Variants in MALRD1 observed in about 807,000 individuals in gnomAD.
MALRD1 encodes the protein MAM and LDL receptor class A domain containing 1.
In MALRD1, 247 loss-of-function variants were observed where a neutral mutation model predicts 242.1. The observed-to-expected ratio is 1.02, with a 90% confidence interval of 0.92 to 1.13. The LOEUF is 1.13. Among genes scored for constraint, MALRD1 ranks in the 50% most tolerant of loss-of-function variants. The probability of loss-of-function intolerance (pLI) is 0.00; values close to 1 mark genes in which losing one functional copy is unlikely to be tolerated. For synonymous variants in MALRD1, 995 were observed against 866.6 expected (o/e 1.15, Z -2.60); for missense variants, 2,989 against 2,533.1 (o/e 1.18, Z -3.86).
intron 26 of MALRD1, among the ~76,000 whole-genome samples, chr10:19,363,899 G>C (rs1845002826): frequency 6.6e-6 from 1 of 152,046 alleles, no homozygotes; most frequent in Non-Finnish European, 1.5e-5. Context: ...CTGATCATCA[G>C]GTGATTCTAA....
At chr10:19,620,058 A>G (rs1839334848) in intron 36 of MALRD1, among the ~76,000 whole-genome samples, 14 of 151,838 alleles carry the variant, frequency 9.2e-5, no homozygotes, top group Admixed American at 9.2e-4. Context: ...TTTGTGGCAG[A>G]AAAAGATTAA....
chr10:19,078,255 C>T (rs111811070), intron 2 of MALRD1, among the ~76,000 whole-genome samples: 73 of 151,890 alleles, frequency 4.8e-4, no homozygotes, highest in African/African-American at 1.7e-3. Flanking sequence ...CACCCATTCA[C>T]TTTTATTATA....
At chr10:19,062,026 G>A (rs974290264) in intron 1 of MALRD1, among the ~76,000 whole-genome samples, 1 of 151,494 alleles carries the variant, frequency 6.6e-6, no homozygotes, top group African/African-American at 2.4e-5. Flanking sequence ...TCATACATCT[G>A]ATAAAAGATT....
chr10:19,143,746 C>A (rs1374129722), intron 10 of MALRD1, among the ~76,000 whole-genome samples: 1 of 152,176 alleles, frequency 6.6e-6, no homozygotes, highest in South Asian at 2.1e-4. Context: ...AAGCACATTT[C>A]AGAGGCCAAA....
chr10:19,352,587 C>A (rs1275444083), intron 26 of MALRD1, among the ~76,000 whole-genome samples: 1 of 152,078 alleles, frequency 6.6e-6, no homozygotes, highest in Non-Finnish European at 1.5e-5. Context: ...TTGCAGTCTG[C>A]TTCAGAATTT....
rs1290983061 is a variant in MALRD1, at chr10:19,091,787, G to A, written c.597+3602G>A. On this transcript the variant is annotated intron_variant, in intron 4 of 39. Coordinates refer to ENST00000454679, the MANE Select transcript of MALRD1 (RefSeq NM_001142308.3). The stretch of plus-strand genomic sequence containing the variant: ...TGTGTCCCAGAGATTCTGGTATGTG[G>A]TGTCTTTGTTCTCGTTGGTTTCAAA... Among the ~76,000 whole-genome samples, 2 of 90,508 alleles carry A rather than the reference G, an allele frequency of 2.2e-5. 1 individual carries two copies. Among genetic ancestry groups the A allele is most frequent in the Non-Finnish European group, 4.3e-5 (2 of 47,058 alleles). The allele number at this position is 90,508 out of a possible 152,430, so 59.4% of individuals were successfully genotyped here. A position where few individuals can be genotyped will look rare whatever the true frequency, so the allele number is the denominator to read the frequency against.
chr10:19,721,278 C>T (rs1470385191), intron 38 of MALRD1, among the ~76,000 whole-genome samples: 4 of 151,948 alleles, frequency 2.6e-5, no homozygotes, highest in Admixed American at 6.6e-5. Flanking sequence ...CTTCAAATTC[C>T]GTAAATCTTA....
Position 19,387,666 on chromosome 10 carries a change from G to C in MALRD1, c.4580G>C (p.Trp1527Ser), listed in dbSNP as rs1213869517. The C allele has an allele frequency of 1.6e-5, 25 of 1,550,224 alleles. No individual in the cohort carries two copies. In the South Asian group the frequency reaches 3.0e-4, roughly 18 times the overall value. ...AGCTCCTGTACTTTTGAAAAAGGCT[G>C]GTGTGGCTGGCAAAACTCCCAGGCT... ...CGSSCTFEKG[W>S]CGWQNSQADN... Residue 1527 changes from tryptophan to serine, a missense_variant, in exon 27 of 40, where the codon TGG becomes TCG. Physicochemically the swap from Trp to Ser is radical, Grantham distance 177. Transcript: ENST00000454679.
intron 1 of MALRD1, among the ~76,000 whole-genome samples, chr10:19,057,474 C>G (rs2131215810): frequency 6.6e-6 from 1 of 152,234 alleles, no homozygotes; most frequent in Non-Finnish European, 1.5e-5. Flanking sequence ...TTCCCCAAGG[C>G]CCCACCTTCC....
At chr10:19,582,252 T>A (rs1448697049) in intron 33 of MALRD1, among the ~76,000 whole-genome samples, 2 of 152,162 alleles carry the variant, frequency 1.3e-5, no homozygotes, top group East Asian at 3.9e-4. Flanking sequence ...CAATTTTGTC[T>A]TTTGTTGCCA....
chr10:19,583,130 C>T (rs75303073), intron 33 of MALRD1, among the ~76,000 whole-genome samples: 45,482 of 105,712 alleles, frequency 0.43, 9,589 homozygotes, highest in African/African-American at 0.46. Context: ...TGGGCTGAGA[C>T]GATGGGGTTT....
intron 13 of MALRD1, among the ~76,000 whole-genome samples, chr10:19,173,907 C>A (rs1355329343): frequency 6.6e-6 from 1 of 152,102 alleles, no homozygotes; most frequent in Non-Finnish European, 1.5e-5. Context: ...AAAAGTAATA[C>A]CGTTTCCTCA....
intron 24 of MALRD1, among the ~76,000 whole-genome samples, chr10:19,333,114 G>A (rs369510077): frequency 1.8e-4 from 27 of 151,246 alleles, no homozygotes; most frequent in African/African-American, 6.3e-4. Flanking sequence ...CCAATGTTTT[G>A]CCCAAGCTAC....
intron 36 of MALRD1, among the ~76,000 whole-genome samples, chr10:19,618,814 T>G (rs1839280841): frequency 6.6e-6 from 1 of 152,064 alleles, no homozygotes; most frequent in South Asian, 2.1e-4. Context: ...CTCTTTCTCA[T>G]TACCTGATTT....
chr10:19,238,525 TAATATACA>T (rs1838573048), intron 18 of MALRD1, among the ~76,000 whole-genome samples: 2 of 96,574 alleles, frequency 2.1e-5, no homozygotes, highest in Non-Finnish European at 3.8e-5. Context: ...ATATTATATA[TAATATACA>T]TTATATATAA....
intron 38 of MALRD1, among the ~76,000 whole-genome samples, chr10:19,715,221 T>G (rs756472767): frequency 2.0e-5 from 3 of 151,992 alleles, no homozygotes; most frequent in Non-Finnish European, 4.4e-5. Flanking sequence ...CCTTTAAAAC[T>G]TATTGAAGAC....
Position 19,539,857 on chromosome 10 carries a change from C to CGT in MALRD1, c.5478+8546_5478+8547dup, listed in dbSNP as rs368123598. Among the ~76,000 whole-genome samples the CGT allele has an allele frequency of 1.6e-3, 204 of 127,002 alleles. 3 individuals carry two copies. Among genetic ancestry groups the CGT allele is most frequent in the Middle Eastern group, 8.4e-3 (2 of 238 alleles). 83.3% of individuals were successfully genotyped at this position (127,002 alleles called of 152,430 possible). A position where few individuals can be genotyped will look rare whatever the true frequency, so the allele number is the denominator to read the frequency against. ...ATGCGCCACCACACCCAGCTTTGTG[C>CGT]GTGTGTGTGTGTGTGTGTGTGTGTG... On this transcript the variant is annotated intron_variant, in intron 32 of 39. Transcript: ENST00000454679.
At chr10:19,088,563 GT>G (rs200967295) in intron 4 of MALRD1, among the ~76,000 whole-genome samples, 2,397 of 76,822 alleles carry the variant, frequency 0.031, 98 homozygotes, top group African/African-American at 0.12. Context: ...ATTTTATAAA[GT>G]TTTTTTTTAT....
chr10:19,499,445 G>GAAAAA (rs869219398), intron 31 of MALRD1, among the ~76,000 whole-genome samples: 4 of 116,646 alleles, frequency 3.4e-5, no homozygotes, highest in Non-Finnish European at 5.8e-5. Context: ...GGCCTGAATA[G>GAAAAA]AAAAAAAAAA....
Sources: allele counts gnomAD v4.1 joint callset (sites outside exome capture counted in the v4.1 genomes callset), GRCh38; gene constraint gnomAD v4.1.1; transcripts MANE v1.5; gene names NCBI Gene and HGNC (gene_info 2026-07-23, HGNC 2026-07-21).